Variants in ATM observed in about 807,000 individuals in gnomAD.
ATM encodes the protein serine-protein kinase ATM.
A neutral mutation model predicts 387.0 loss-of-function variants in ATM; 308 were observed. That is an observed-to-expected ratio of 0.80 (90% CI 0.73 to 0.87). The LOEUF is 0.87. ATM is among the 40% of genes least tolerant of loss of function. The probability of loss-of-function intolerance (pLI) is 0.00; values close to 1 mark genes in which losing one functional copy is unlikely to be tolerated. For synonymous variants in ATM, 1,156 were observed against 1,187.3 expected, an observed-to-expected ratio of 0.97 and a Z score of 0.54; for missense variants, 3,312 against 3,560.9, an observed-to-expected ratio of 0.93 and a Z score of 1.78.
chr11:108,256,492 A>T (rs2080498069), intron 14 of ATM, 152 bp downstream of exon 14: 4 of 717,842 alleles, frequency 5.6e-6, no homozygotes, highest in Non-Finnish European at 6.4e-6. Context: ...TATACTATGT[A>T]TTTTTTAAAT....
rs1328985852 is a variant in ATM, at chr11:108,267,170, G to A, written c.2467-1G>A. ...AACATCTTTGTTTCTCTTCCTTGAA[G>A]GCATCCTTCATCAAAAAGCCATTTG... On this transcript the variant is annotated splice_acceptor_variant, in intron 16 of 62. Coordinates refer to ENST00000675843, the MANE Select transcript of ATM (RefSeq NM_000051.4). LOFTEE classifies it high-confidence loss of function. The A allele has an allele frequency of 1.2e-6, 2 of 1,613,848 alleles. No homozygotes were observed. Among genetic ancestry groups the A allele is most frequent in the Admixed American group, 1.7e-5 (1 of 60,014 alleles).
At position 108,367,735 on chromosome 11, in the gene ATM, A is replaced by G. The variant is rs1161857448; in HGVS notation, c.*2227A>G. 1 of 216,192 alleles carries G rather than the reference A, an allele frequency of 4.6e-6. No individual in the cohort carries two copies. Among genetic ancestry groups the G allele is most frequent in the East Asian group, 7.0e-5 (1 of 14,354 alleles). 13.4% of individuals were successfully genotyped at this position (216,192 alleles called of 1,614,324 possible). A position where few individuals can be genotyped will look rare whatever the true frequency, so the allele number is the denominator to read the frequency against. ...CTCACCTTCCCCTCCCCTAAAACCA[A>G]TCTCCAGAACTTTTTGGACTATAAA... On this transcript the variant is annotated 3_prime_UTR_variant, in exon 63 of 63. Coordinates refer to ENST00000675843, the MANE Select transcript of ATM (RefSeq NM_000051.4).
intron 56 of ATM, among the ~76,000 whole-genome samples, chr11:108,338,083 C>CCA (rs2087053613): frequency 6.6e-6 from 1 of 152,188 alleles, no homozygotes; most frequent in Non-Finnish European, 1.5e-5. Context: ...GCATGGTGGC[C>CCA]CACGCCTGTA....
chr11:108,302,494 T>C (rs942158372), intron 35 of ATM, among the ~76,000 whole-genome samples: 1 of 152,130 alleles, frequency 6.6e-6, no homozygotes, highest in African/African-American at 2.4e-5. Context: ...GCATTATAAT[T>C]CTAACATTTT....
rs2135320961 is a variant in ATM, at chr11:108,250,849, G to A, written c.1384G>A (p.Val462Ile). 2 of 1,614,158 alleles carry A rather than the reference G, an allele frequency of 1.2e-6. No homozygotes were observed. The highest frequency in any genetic ancestry group is 1.7e-6 in the Non-Finnish European group (2 of 1,180,034). The part of the protein sequence containing the change: ...TPYVLRCLTE[V>I]ALCQDKRSNL... ...ATATGTGTTACGATGCCTTACGGAA[G>A]TTGCATTGTGTCAAGACAAGAGGTC... The change falls in exon 10 of 63, where the codon GTT becomes ATT. Residue 462 changes from valine to isoleucine, a missense_variant. Val to Ile is a conservative substitution (Grantham distance 29, BLOSUM62 3). Transcript: ENST00000675843.
intron 25 of ATM, among the ~76,000 whole-genome samples, chr11:108,283,448 C>T (rs2082334712): frequency 6.6e-6 from 1 of 152,156 alleles, no homozygotes; most frequent in African/African-American, 2.4e-5. Context: ...GAAGGCATCT[C>T]ATATTTGTTG....
At chr11:108,321,916 A>G (rs974042202) in intron 45 of ATM, among the ~76,000 whole-genome samples, 1 of 152,288 alleles carries the variant, frequency 6.6e-6, no homozygotes, top group East Asian at 1.9e-4. Context: ...TAAAAATTTA[A>G]GTTTTAAAAA....
Position 108,368,937 on chromosome 11 carries a change from A to G in ATM, c.*3429A>G, listed in dbSNP as rs2091465458. 5.2e-6 allele frequency: 1 copy of G among 192,444 alleles called. No individual in the cohort carries two copies. The highest frequency in any genetic ancestry group is 2.3e-5 in the African/African-American group (1 of 43,126). 11.9% of individuals were successfully genotyped at this position (192,444 alleles called of 1,614,324 possible). A position where few individuals can be genotyped will look rare whatever the true frequency, so the allele number is the denominator to read the frequency against. On this transcript the variant is annotated 3_prime_UTR_variant, in exon 63 of 63. Coordinates refer to ENST00000675843, the MANE Select transcript of ATM (RefSeq NM_000051.4). Reference sequence around the variant, plus strand: ...AGAATAGTCTTTTAAAAAGAAAGCCAGTATATTGGTTTGAAATATAGAGAT... The same window carrying G: ...AGAATAGTCTTTTAAAAAGAAAGCCGGTATATTGGTTTGAAATATAGAGAT...
intron 6 of ATM, 129 bp downstream of exon 6, chr11:108,244,247 G>A: frequency 9.2e-7 from 1 of 1,089,204 alleles, no homozygotes; most frequent in Non-Finnish European, 1.3e-6. Context: ...AGAACTAGTG[G>A]ATTCCTAAAG....
intron 50 of ATM, chr11:108,331,063 A>AT (rs1002650775): frequency 5.0e-6 from 3 of 602,784 alleles, no homozygotes; most frequent in Non-Finnish European, 6.4e-6. Flanking sequence ...TATACACTAA[A>AT]TATTACTTTT....
intron 1 of ATM, chr11:108,224,183 TTGAAGAGATTAG>T (rs771609021): frequency 2.0e-5 from 3 of 152,216 alleles, no homozygotes; most frequent in Non-Finnish European, 4.4e-5. Context: ...AAACTGAGGT[TTGAAGAGATTAG>T]TGAACTTGCT....
intron 29 of ATM, chr11:108,290,097 G>A (rs1483365117): frequency 3.8e-5 from 10 of 264,646 alleles, no homozygotes; most frequent in South Asian, 6.5e-5. Context: ...GGGCTCAAGC[G>A]AACTGTCAGC....
chr11:108,315,902 C>G lies in ATM; in HGVS notation c.6086C>G (p.Pro2029Arg), dbSNP rs863224575. The G allele has an allele frequency of 6.2e-7, 1 of 1,610,878 alleles. No individual in the cohort carries two copies. Among genetic ancestry groups the G allele is most frequent in the East Asian group, 2.2e-5 (1 of 44,848 alleles). ...YGCGGGKMLQ[P>R]ITRLRTYEHE... ...TGTGGTGGAGGGAAGATGTTACAAC[C>G]CATTACTAGGTAAATTGCATTTTTC... Residue 2029 changes from proline to arginine, a missense_variant, in exon 41 of 63, where the codon CCC becomes CGC. Around this residue, in one of 4 missense-constraint regions of ATM, gnomAD observed 1,405 missense variants for 1,604.4 expected, o/e 0.88. Transcript: ENST00000675843.
At chr11:108,237,526 T>C (rs1275312837) in intron 5 of ATM, among the ~76,000 whole-genome samples, 5 of 152,212 alleles carry the variant, frequency 3.3e-5, no homozygotes, top group Admixed American at 2.0e-4. Flanking sequence ...TCCCGGATGT[T>C]ACTTCTTATA....
At chr11:108,264,023 T>C (rs1266956085) in intron 16 of ATM, among the ~76,000 whole-genome samples, 1 of 150,064 alleles carries the variant, frequency 6.7e-6, no homozygotes, top group African/African-American at 2.5e-5. Context: ...CAGGACCAGA[T>C]GGATTCACAG....
At chr11:108,328,967 T>C (rs1300514892) in intron 48 of ATM, 54 bp from the exon 49 acceptor site, 1 of 1,500,502 alleles carries the variant, frequency 6.7e-7, no homozygotes, top group African/African-American at 1.4e-5. Flanking sequence ...AGTGATTCTT[T>C]AGATGTATTT....
rs776266049 is a variant in ATM, at chr11:108,330,222, T to C, written c.7316T>C (p.Val2439Ala). 6 of 1,613,934 alleles carry C rather than the reference T, an allele frequency of 3.7e-6. No individual in the cohort carries two copies. The highest frequency in any genetic ancestry group is 4.2e-6 in the Non-Finnish European group (5 of 1,179,948). The change falls in exon 50 of 63, where the codon GTA becomes GCA. Residue 2439 changes from valine to alanine, a missense_variant. Physicochemically the swap from Val to Ala is moderately conservative, Grantham distance 64. Coordinates refer to ENST00000675843, the MANE Select transcript of ATM (RefSeq NM_000051.4). The part of the protein sequence containing the change: ...EHKIQTNRYT[V>A]KVQRELELDE... The stretch of plus-strand genomic sequence containing the variant: ...TAATTATTCTATGCAAGATACACAG[T>C]AAAGGTTCAGCGAGAGCTGGAGTTG...
chr11:108,276,151 G>A lies in ATM; in HGVS notation c.3284+3299G>A, dbSNP rs1313695421. Among the ~76,000 whole-genome samples, 4 of 151,792 alleles carry A rather than the reference G, an allele frequency of 2.6e-5. No individual in the cohort carries two copies. In the East Asian group the frequency reaches 5.8e-4, roughly 22 times the overall value. On this transcript the variant is annotated intron_variant, in intron 22 of 62. Coordinates refer to ENST00000675843, the MANE Select transcript of ATM (RefSeq NM_000051.4). The stretch of plus-strand genomic sequence containing the variant: ...ATCCTTTCTTCTGCTTAATCAGTTC[G>A]GCTGTTGATACTTGCGTATGCTTCA...
intron 18 of ATM, among the ~76,000 whole-genome samples, chr11:108,270,362 T>A (rs554608143): frequency 6.6e-6 from 1 of 152,338 alleles, no homozygotes; most frequent in Non-Finnish European, 1.5e-5. Context: ...AGACTTACAG[T>A]TTCAGAATCT....
Sources: gnomAD v4.1 joint callset for allele counts (sites outside exome capture counted in the v4.1 genomes callset) on GRCh38, gnomAD v4.1.1 for gene constraint, gnomAD v4.1.1 regional missense constraint, MANE v1.5 for transcripts, NCBI Gene and HGNC (gene_info 2026-07-23, HGNC 2026-07-21) for gene names.